The following COL28A1 variants were observed in gnomAD, a reference collection of about 807,000 sequenced individuals.
The protein encoded by COL28A1 is collagen type XXVIII alpha 1 chain.
Under a neutral mutation model 150.2 loss-of-function variants are expected in COL28A1, and 161 were observed. That is an observed-to-expected ratio of 1.07 (90% CI 0.94 to 1.22). COL28A1 has a LOEUF of 1.22. Ranked by LOEUF, COL28A1 falls within the 50% of genes most tolerant of loss-of-function variation. The probability of loss-of-function intolerance (pLI) is 0.00; values close to 1 mark genes in which losing one functional copy is unlikely to be tolerated. For synonymous variants in COL28A1, 552 were observed against 469.7 expected (o/e 1.18, Z -2.26); for missense variants, 1,617 against 1,388.3 (o/e 1.16, Z -2.62).
chr7:7,431,335 C>A, intron 25 of COL28A1: 1 of 318,684 alleles, frequency 3.1e-6, no homozygotes. Context: ...AAGCAAGAAG[C>A]CTGCTCCAGG....
intron 33 of COL28A1, among the ~76,000 whole-genome samples, chr7:7,370,286 G>T (rs886931924): frequency 1.3e-5 from 2 of 152,112 alleles, no homozygotes; most frequent in Non-Finnish European, 2.9e-5. Context: ...TGGGAGAGTG[G>T]CCAGTTGGGC....
At chr7:7,387,863 C>T (rs1053971894) in intron 27 of COL28A1, among the ~76,000 whole-genome samples, 1 of 152,062 alleles carries the variant, frequency 6.6e-6, no homozygotes, top group Admixed American at 6.6e-5. Flanking sequence ...AGTTTGGGAG[C>T]CCAAAGGCTA....
chr7:7,358,109 A>G lies in COL28A1; in HGVS notation c.*524T>C, dbSNP rs1205450651. On this transcript the variant is annotated 3_prime_UTR_variant, in exon 35 of 35. Coordinates refer to ENST00000399429, the MANE Select transcript of COL28A1 (RefSeq NM_001037763.3). ...GGGCAAGTGAGGCAAAAATCTAACT[A>G]CCCTCACCATCCCGACTCCTATCCC... The G allele has an allele frequency of 6.6e-6, 1 of 152,048 alleles. No individual in the cohort carries two copies. The highest frequency in any genetic ancestry group is 1.5e-5 in the Non-Finnish European group (1 of 68,074). 9.4% of individuals were successfully genotyped at this position (152,048 alleles called of 1,614,324 possible).
intron 18 of COL28A1, among the ~76,000 whole-genome samples, chr7:7,445,310 G>A (rs991042707): frequency 2.0e-5 from 3 of 152,182 alleles, no homozygotes. Context: ...GGCAAAGACT[G>A]GAGTGAGCGT....
chr7:7,508,975 A>T (rs555100633), intron 9 of COL28A1, among the ~76,000 whole-genome samples: 14 of 152,264 alleles, frequency 9.2e-5, no homozygotes, highest in Middle Eastern at 3.4e-3. Flanking sequence ...CTGAAATTAC[A>T]GGTGTGCACC....
At chr7:7,440,225 C>T (rs113842584) in intron 21 of COL28A1, among the ~76,000 whole-genome samples, 3 of 152,314 alleles carry the variant, frequency 2.0e-5, no homozygotes, top group African/African-American at 7.2e-5. Flanking sequence ...TGATTTTTTT[C>T]TCTGAATAAT....
chr7:7,437,768 T>A (rs2128317770), intron 21 of COL28A1, among the ~76,000 whole-genome samples: 1 of 152,324 alleles, frequency 6.6e-6, no homozygotes, highest in South Asian at 2.1e-4. Context: ...CCTTTTTGTG[T>A]TGTATGTTGG....
chr7:7,398,729 C>T (rs1782987633), intron 27 of COL28A1, among the ~76,000 whole-genome samples: 1 of 152,154 alleles, frequency 6.6e-6, no homozygotes, highest in Non-Finnish European at 1.5e-5. Context: ...ATTCACACTA[C>T]AAGTGATAAA....
rs531607238 is a variant in COL28A1, at chr7:7,433,950, T to C, written c.1861-1250A>G. ...TATGCAAACAAACTCGGAGATCAAATTGCCATTATTCCAAGTGAAAATACT... is the reference window on the plus strand; with the variant it reads ...TATGCAAACAAACTCGGAGATCAAACTGCCATTATTCCAAGTGAAAATACT... On this transcript the variant is annotated intron_variant, in intron 23 of 34. Coordinates refer to ENST00000399429, the MANE Select transcript of COL28A1 (RefSeq NM_001037763.3). 3.2e-4 allele frequency among the ~76,000 whole-genome samples: 48 copies of C among 152,340 alleles called. No individual in the cohort carries two copies. The East Asian group carries it at 8.9e-3, about 28-fold the overall frequency.
At chr7:7,393,482 G>A (rs1435314037) in intron 27 of COL28A1, among the ~76,000 whole-genome samples, 1 of 152,234 alleles carries the variant, frequency 6.6e-6, no homozygotes, top group Non-Finnish European at 1.5e-5. Flanking sequence ...CTTGAACGCT[G>A]GGCTGGGAGA....
At chr7:7,375,565 GAT>G in intron 30 of COL28A1, 68 bp from the exon 31 acceptor site, 4 of 1,026,682 alleles carry the variant, frequency 3.9e-6, no homozygotes, top group Non-Finnish European at 5.6e-6. Flanking sequence ...AGCCATAAAA[GAT>G]ATCTCATTAC....
chr7:7,353,661 A>G (rs1398211214), downstream of COL28A1, among the ~76,000 whole-genome samples: 1 of 152,182 alleles, frequency 6.6e-6, no homozygotes, highest in Non-Finnish European at 1.5e-5. Context: ...TTGCAGTATT[A>G]AGATGTGGTC....
chr7:7,527,633 T>G (rs1196594710), intron 3 of COL28A1, among the ~76,000 whole-genome samples: 1 of 152,072 alleles, frequency 6.6e-6, no homozygotes, highest in African/African-American at 2.4e-5. Flanking sequence ...AATGACAGAC[T>G]GGGGGCATGC....
At chr7:7,439,745 T>A (rs1055661862) in intron 21 of COL28A1, among the ~76,000 whole-genome samples, 13 of 152,182 alleles carry the variant, frequency 8.5e-5, no homozygotes, top group African/African-American at 3.1e-4. Flanking sequence ...CTTCCTGAAC[T>A]CCCTGCAGCA....
chr7:7,514,281 A>G (rs1038283825), intron 8 of COL28A1, among the ~76,000 whole-genome samples: 10 of 152,216 alleles, frequency 6.6e-5, no homozygotes, highest in Non-Finnish European at 1.5e-4. Context: ...TTTCCTCTTC[A>G]TAATGGCACT....
chr7:7,377,813 A>AAT (rs1421696871), intron 30 of COL28A1, among the ~76,000 whole-genome samples: 2 of 151,122 alleles, frequency 1.3e-5, no homozygotes, highest in African/African-American at 4.9e-5. Flanking sequence ...CACGCAAAAA[A>AAT]AAAAAAAAAA....
At chr7:7,389,867 G>C (rs1257755263) in intron 27 of COL28A1, among the ~76,000 whole-genome samples, 8 of 152,224 alleles carry the variant, frequency 5.3e-5, no homozygotes. Flanking sequence ...CTTTGCTGAA[G>C]TTGCTTATCA....
At chr7:7,356,032 T>C (rs1260189747), downstream of COL28A1, among the ~76,000 whole-genome samples, 1 of 152,172 alleles carries the variant, frequency 6.6e-6, no homozygotes, top group African/African-American at 2.4e-5. Flanking sequence ...TGCAATAATC[T>C]AGTGAGTTGT....
At chr7:7,340,762 A>T in the COL28A1 span, among the ~76,000 whole-genome samples, 13 of 152,056 alleles carry the variant, frequency 8.5e-5, no homozygotes, top group South Asian at 2.1e-4. Context: ...CAGACGACAT[A>T]TCCTTTCTCT....
Sources: allele counts gnomAD v4.1 joint callset (sites outside exome capture counted in the v4.1 genomes callset), GRCh38; gene constraint gnomAD v4.1.1; transcripts MANE v1.5; gene names NCBI Gene and HGNC (gene_info 2026-07-23, HGNC 2026-07-21).